The following SLC25A26 variants were observed in gnomAD, a reference collection of about 807,000 sequenced individuals.
The protein encoded by SLC25A26 is mitochondrial S-adenosylmethionine carrier protein.
SLC25A26 carries 36 observed loss-of-function variants against 37.8 expected under a neutral mutation model. The observed-to-expected ratio is 0.95, with a 90% CI of 0.73 to 1.26. The LOEUF (loss-of-function observed/expected upper bound fraction) is 1.26. Among genes scored for constraint, SLC25A26 ranks in the 50% most tolerant of loss-of-function variants. The pLI is 0.00. For missense variants in SLC25A26, 390 were observed against 331.1 expected (o/e 1.18, Z -1.38); for synonymous variants, 129 against 122.5 (o/e 1.05, Z -0.35).
At chr3:66,353,113 C>CTTA (rs2076497311) in intron 6 of SLC25A26, among the ~76,000 whole-genome samples, 2 of 152,046 alleles carry the variant, frequency 1.3e-5, no homozygotes, top group Admixed American at 1.3e-4. Context: ...TGTTGTTATC[C>CTTA]CCACCTTAAA....
At chr3:66,283,564 A>G (rs2074414899) in intron 5 of SLC25A26, among the ~76,000 whole-genome samples, 1 of 152,160 alleles carries the variant, frequency 6.6e-6, no homozygotes, top group Non-Finnish European at 1.5e-5. Context: ...TTATTAGGCC[A>G]CTGTGCCTGG....
intron 5 of SLC25A26, among the ~76,000 whole-genome samples, chr3:66,337,316 T>C (rs1367508801): frequency 6.6e-6 from 1 of 152,070 alleles, no homozygotes. Flanking sequence ...ACCATGTTAG[T>C]GTGAGGTATG....
At chr3:66,246,382 G>C (rs2072842140) in intron 3 of SLC25A26, among the ~76,000 whole-genome samples, 1 of 152,176 alleles carries the variant, frequency 6.6e-6, no homozygotes, top group Admixed American at 6.5e-5. Context: ...AAAATAGAAA[G>C]TGATATAATA....
chr3:66,209,686 T>C (rs1311584383), intron 1 of SLC25A26, among the ~76,000 whole-genome samples: 2 of 138,824 alleles, frequency 1.4e-5, no homozygotes, highest in East Asian at 2.1e-4. Flanking sequence ...TATAGGTATA[T>C]ATAGGTATAT....
intron 5 of SLC25A26, among the ~76,000 whole-genome samples, chr3:66,335,427 G>A (rs1006653633): frequency 6.6e-6 from 1 of 152,104 alleles, no homozygotes; most frequent in Non-Finnish European, 1.5e-5. Context: ...TATCCTTTTT[G>A]TATATAATTG....
intron 5 of SLC25A26, among the ~76,000 whole-genome samples, chr3:66,274,061 A>G (rs2074047163): frequency 6.6e-6 from 1 of 152,204 alleles, no homozygotes; most frequent in Non-Finnish European, 1.5e-5. Flanking sequence ...GATATAGATC[A>G]GTGGAACAGA....
At chr3:66,217,159 T>C (rs2071374263), upstream of SLC25A26, among the ~76,000 whole-genome samples, 1 of 152,232 alleles carries the variant, frequency 6.6e-6, no homozygotes, top group African/African-American at 2.4e-5. Flanking sequence ...AGACAACCAT[T>C]GCATTGAAGA....
intron 5 of SLC25A26, among the ~76,000 whole-genome samples, chr3:66,277,519 A>G (rs1010489774): frequency 6.6e-6 from 1 of 152,100 alleles, no homozygotes; most frequent in Non-Finnish European, 1.5e-5. Context: ...AAGGTACAGC[A>G]TGAAAAGTGA....
chr3:66,289,992 C>T (rs532286380), intron 5 of SLC25A26, among the ~76,000 whole-genome samples: 43 of 152,112 alleles, frequency 2.8e-4, no homozygotes, highest in Non-Finnish European at 5.7e-4. Context: ...CTCTTATTTC[C>T]TTGAGCAGTG....
At chr3:66,234,253 C>G (rs893178590) in intron 1 of SLC25A26, among the ~76,000 whole-genome samples, 2 of 152,124 alleles carry the variant, frequency 1.3e-5, no homozygotes, top group African/African-American at 4.8e-5. Context: ...CCACCATGCC[C>G]GGCTCTACTT....
intron 1 of SLC25A26, among the ~76,000 whole-genome samples, chr3:66,208,996 ACCCATATAAAGG>A (rs2071226486): frequency 1.2e-5 from 1 of 86,776 alleles, no homozygotes; most frequent in Non-Finnish European, 2.2e-5. Context: ...ATATTTATGT[ACCCATATAAAGG>A]TATATATATA....
intron 3 of SLC25A26, among the ~76,000 whole-genome samples, chr3:66,256,179 T>A (rs2073294168): frequency 6.6e-6 from 1 of 152,166 alleles, no homozygotes; most frequent in Non-Finnish European, 1.5e-5. Context: ...ATTTATTTAT[T>A]TTCAGTTCTT....
intron 1 of SLC25A26, among the ~76,000 whole-genome samples, chr3:66,168,784 A>T (rs1559558376): frequency 6.6e-6 from 1 of 152,182 alleles, no homozygotes; most frequent in Non-Finnish European, 1.5e-5. Context: ...ATTTCTTAAA[A>T]ATTGATCGAT....
chr3:66,233,285 G>A (rs942683866), intron 1 of SLC25A26, among the ~76,000 whole-genome samples: 2 of 152,140 alleles, frequency 1.3e-5, no homozygotes, highest in African/African-American at 2.4e-5. Flanking sequence ...CACTTCATAC[G>A]TTTATTAACT....
chr3:66,177,619 C>T (rs746578769), intron 1 of SLC25A26, among the ~76,000 whole-genome samples: 17 of 152,198 alleles, frequency 1.1e-4, no homozygotes, highest in Admixed American at 2.0e-4. Flanking sequence ...ACACACCCAT[C>T]GTCTGTCCTG....
intron 1 of SLC25A26, among the ~76,000 whole-genome samples, chr3:66,175,121 A>ATATATATATG (rs1345732277): frequency 1.1e-5 from 1 of 89,334 alleles, no homozygotes; most frequent in Non-Finnish European, 2.4e-5. Flanking sequence ...ATATATATAT[A>ATATATATATG]TATATATATA....
chr3:66,288,080 C>T (rs2074574839), intron 5 of SLC25A26, among the ~76,000 whole-genome samples: 2 of 152,054 alleles, frequency 1.3e-5, no homozygotes, highest in Non-Finnish European at 2.9e-5. Flanking sequence ...AGATTCTGCC[C>T]CTAGACAGCT....
At chr3:66,370,764 CAT>C (rs1339192872) in intron 9 of SLC25A26, 162 bp downstream of exon 9, 1 of 180,686 alleles carries the variant, frequency 5.5e-6, no homozygotes, top group Non-Finnish European at 1.1e-5. Flanking sequence ...TATGAGATAA[CAT>C]AGCAAATCAA....
chr3:66,366,083 T>C (rs2076818518), intron 7 of SLC25A26, among the ~76,000 whole-genome samples: 2 of 152,204 alleles, frequency 1.3e-5, no homozygotes, highest in Admixed American at 6.5e-5. Flanking sequence ...AGTTTTATCA[T>C]AAAATTTTAG....
Sources: allele counts gnomAD v4.1 joint callset (sites outside exome capture counted in the v4.1 genomes callset), GRCh38; gene constraint gnomAD v4.1.1; transcripts MANE v1.5; gene names NCBI Gene and HGNC (gene_info 2026-07-23, HGNC 2026-07-21).